Variants in MCM5 observed in about 807,000 individuals in gnomAD.
The protein encoded by MCM5 is DNA replication licensing factor MCM5.
In MCM5, 46 loss-of-function variants were observed where a neutral mutation model predicts 79.9. The ratio of observed to expected loss-of-function variants is 0.58; its 90% CI spans 0.45 to 0.74. The LOEUF is 0.74. Ranked by LOEUF, MCM5 falls within the 30% of genes least tolerant of loss-of-function variation. The pLI, the probability that MCM5 is intolerant of heterozygous loss-of-function variation, is 0.00. For missense variants in MCM5, 883 were observed against 1,017.0 expected, an observed-to-expected ratio of 0.87 and a Z score of 1.79; for synonymous variants, 404 against 390.5, an observed-to-expected ratio of 1.03 and a Z score of -0.41.
intron 9 of MCM5, among the ~76,000 whole-genome samples, chr22:35,414,279 G>A (rs1402659029): frequency 6.6e-6 from 1 of 152,156 alleles, no homozygotes. Context: ...CAATCTCCCT[G>A]AGCGTCAGTT....
intron 6 of MCM5, 84 bp downstream of exon 6, chr22:35,408,647 A>G: frequency 1.4e-6 from 2 of 1,479,474 alleles, no homozygotes. Context: ...GGAGTGGGTC[A>G]TCTGGAGCAG....
downstream of MCM5, among the ~76,000 whole-genome samples, chr22:35,427,481 T>C (rs1359365961): frequency 6.6e-6 from 1 of 152,018 alleles, no homozygotes; most frequent in Non-Finnish European, 1.5e-5. Context: ...AATACGTCTG[T>C]TTGGTATTTA....
In MCM5 at chr22:35,416,417, C is replaced by A; in HGVS notation, c.1413+13C>A. The A allele has an allele frequency of 6.2e-7, 1 of 1,611,480 alleles. No homozygotes were observed. Among genetic ancestry groups the A allele is most frequent in the African/African-American group, 1.4e-5 (1 of 73,918 alleles). On this transcript the variant is annotated intron_variant, in intron 11 of 16. Coordinates refer to ENST00000216122, the MANE Select transcript of MCM5 (RefSeq NM_006739.4). ...CTCTATCGCCAAGGTGAGTGGCCCT[C>A]CATGGAGAGCCCAGCCTGCAGCAGC...
intron 13 of MCM5, among the ~76,000 whole-genome samples, 174 bp from the exon 14 acceptor site, chr22:35,419,710 C>T (rs1932644039): frequency 6.6e-6 from 1 of 152,228 alleles, no homozygotes; most frequent in South Asian, 2.1e-4. Flanking sequence ...CAGCTGCCCA[C>T]AGCCAGATTT....
intron 13 of MCM5, 136 bp from the exon 14 acceptor site, chr22:35,419,748 C>A (rs1046678036): frequency 2.4e-6 from 2 of 818,460 alleles, no homozygotes; most frequent in Middle Eastern, 3.4e-4. Flanking sequence ...ATTGTTGTCC[C>A]CCAGCCCATA....
At chr22:35,407,755 C>T (rs1932259296) in intron 5 of MCM5, among the ~76,000 whole-genome samples, 1 of 152,172 alleles carries the variant, frequency 6.6e-6, no homozygotes, top group South Asian at 2.1e-4. Context: ...CACCTGCCTA[C>T]TTTTTTACTT....
chr22:35,434,304 C>A, the MCM5 span, among the ~76,000 whole-genome samples: 28 of 152,030 alleles, frequency 1.8e-4, no homozygotes, highest in Non-Finnish European at 3.4e-4. Context: ...GAATGGATTC[C>A]GTTGTCTGTC....
rs952075328 is a variant in MCM5, at chr22:35,424,955, C to G, written c.*700C>G. On this transcript the variant is annotated 3_prime_UTR_variant, in exon 17 of 17. Transcript: ENST00000216122. ...GTTAGTGAGGGGAATGTAGTGGCCA[C>G]CAGGCAGGAACTAGGACTCCAGCCA... The G allele has an allele frequency of 2.6e-5, 4 of 152,204 alleles. No homozygotes were observed. Among genetic ancestry groups the G allele is most frequent in the African/African-American group, 9.6e-5 (4 of 41,452 alleles). 9.4% of individuals were successfully genotyped at this position (152,204 alleles called of 1,614,324 possible).
chr22:35,453,773 A>G, the MCM5 span, among the ~76,000 whole-genome samples: 1 of 149,400 alleles, frequency 6.7e-6, no homozygotes, highest in Non-Finnish European at 1.5e-5. Context: ...AGGGACAAAT[A>G]TAGGAAGACA....
At chr22:35,404,969 C>T (rs972338907) in intron 4 of MCM5, among the ~76,000 whole-genome samples, 1 of 151,064 alleles carries the variant, frequency 6.6e-6, no homozygotes, top group Non-Finnish European at 1.5e-5. Context: ...AATCGTATAA[C>T]GAATCCTCTT....
intron 16 of MCM5, 87 bp downstream of exon 16, chr22:35,423,428 T>TCAG: frequency 7.0e-7 from 1 of 1,433,664 alleles, no homozygotes; most frequent in Non-Finnish European, 9.4e-7. Context: ...GGCATCTTAC[T>TCAG]CAGCAGACAG....
Position 35,415,819 on chromosome 22 carries a change from A to G in MCM5, c.1204-10A>G. On this transcript the variant is annotated splice_polypyrimidine_tract_variant and intron_variant, in intron 9 of 16. Coordinates refer to ENST00000216122, the MANE Select transcript of MCM5 (RefSeq NM_006739.4). ...TGTTATTGGGCCCTGACACCACCCC[A>G]CTGCCCCAGGTATACACGTCTGGGA... is the stretch of plus-strand genomic sequence containing the variant. The G allele has an allele frequency of 6.2e-7, 1 of 1,608,192 alleles. No individual in the cohort carries two copies. Among genetic ancestry groups the G allele is most frequent in the East Asian group, 2.2e-5 (1 of 44,732 alleles).
At chr22:35,430,036 GCACACCCGTTGGT>G (rs1932802527), downstream of MCM5, among the ~76,000 whole-genome samples, 1 of 152,172 alleles carries the variant, frequency 6.6e-6, no homozygotes. Context: ...TCAGCCCTAG[GCACACCCGTTGGT>G]CACCCTAAAA....
At chr22:35,439,443 TAATCCATTCACC>T in the MCM5 span, among the ~76,000 whole-genome samples, 1 of 5,578 alleles carries the variant, frequency 1.8e-4, no homozygotes, top group East Asian at 1.4e-3. Context: ...ACCCACATAT[TAATCCATTCACC>T]CATCCATCCA....
At chr22:35,444,203 A>C in the MCM5 span, among the ~76,000 whole-genome samples, 4 of 149,980 alleles carry the variant, frequency 2.7e-5, no homozygotes, top group Non-Finnish European at 5.9e-5. Flanking sequence ...GAGAAAAGAG[A>C]GAGGAAAGGG....
At chr22:35,414,771 C>T (rs1282099950) in intron 9 of MCM5, among the ~76,000 whole-genome samples, 1 of 152,106 alleles carries the variant, frequency 6.6e-6, no homozygotes, top group African/African-American at 2.4e-5. Flanking sequence ...AACTCAGGTA[C>T]AGAATGGGTA....
At chr22:35,418,709 A>T (rs996435962) in intron 13 of MCM5, among the ~76,000 whole-genome samples, 4 of 150,754 alleles carry the variant, frequency 2.7e-5, no homozygotes, top group Admixed American at 2.0e-4. Flanking sequence ...ACACACACAC[A>T]CTCACTCTTA....
the MCM5 span, among the ~76,000 whole-genome samples, chr22:35,442,172 C>T: frequency 1.3e-5 from 2 of 152,016 alleles, no homozygotes. Context: ...CTGGCCCCAC[C>T]TGACACCCCA....
the MCM5 span, among the ~76,000 whole-genome samples, chr22:35,446,617 G>A: frequency 2.0e-5 from 3 of 152,200 alleles, no homozygotes; most frequent in African/African-American, 7.2e-5. Flanking sequence ...GCATGTGGAG[G>A]GGAACAACCG....
Sources: gnomAD v4.1 joint callset for allele counts (sites outside exome capture counted in the v4.1 genomes callset) on GRCh38, gnomAD v4.1.1 for gene constraint, MANE v1.5 for transcripts, NCBI Gene and HGNC (gene_info 2026-07-23, HGNC 2026-07-21) for gene names.